Variants in RBFOX1 observed in about 807,000 individuals in gnomAD.
RBFOX1 encodes RNA binding fox-1 homolog 1.
In RBFOX1, 8 loss-of-function variants were observed where a neutral mutation model predicts 57.7. That is an observed-to-expected ratio of 0.14 (90% CI 0.08 to 0.25). The LOEUF (loss-of-function observed/expected upper bound fraction) is 0.25, where lower values mean the gene tolerates loss of function less well. RBFOX1 is among the 10% of genes least tolerant of loss of function. The pLI, the probability that RBFOX1 is intolerant of heterozygous loss-of-function variation, is 1.00. For missense variants in RBFOX1, 611 were observed against 548.5 expected, an observed-to-expected ratio of 1.11 and a Z score of -1.14; for synonymous variants, 326 against 222.4, an observed-to-expected ratio of 1.47 and a Z score of -4.15.
Position 7,116,128 on chromosome 16 carries a change from A to G in RBFOX1, c.27+64030A>G, listed in dbSNP as rs184806211. 1.6e-3 allele frequency among the ~76,000 whole-genome samples: 251 copies of G among 152,246 alleles called. 1 individual carries two copies. The highest frequency in any genetic ancestry group is 3.3e-3 in the Admixed American group (51 of 15,296). On this transcript the variant is annotated intron_variant, in intron 4 of 15. Transcript: ENST00000550418. ...TAAGGAAACTGAGGCACAGACAACA[A>G]TGGCTTCTGAAATTCTCTTCTCCGT...
At chr16:6,205,679 C>G (rs1408202423) in intron 1 of RBFOX1, among the ~76,000 whole-genome samples, 1 of 151,982 alleles carries the variant, frequency 6.6e-6, no homozygotes, top group East Asian at 1.9e-4. Context: ...TGACACCACA[C>G]ATCACTGATA....
chr16:5,488,431 G>T (rs867246476), intron 2 of RBFOX1, among the ~76,000 whole-genome samples: 1 of 150,386 alleles, frequency 6.6e-6, no homozygotes, highest in Admixed American at 6.6e-5. Context: ...GGAGGATTAT[G>T]GTGATGATGA....
chr16:5,273,781 T>A (rs939521690), intron 1 of RBFOX1, among the ~76,000 whole-genome samples: 3 of 152,064 alleles, frequency 2.0e-5, no homozygotes, highest in Non-Finnish European at 4.4e-5. Context: ...GGCTGATGGA[T>A]CATGAGCAGC....
chr16:6,198,497 G>A (rs1031523694), intron 1 of RBFOX1, among the ~76,000 whole-genome samples: 4 of 152,160 alleles, frequency 2.6e-5, no homozygotes, highest in Admixed American at 6.5e-5. Context: ...ATGCTTTTGC[G>A]ATGAGTTATC....
At chr16:6,629,476 G>A (rs1264037271) in intron 2 of RBFOX1, among the ~76,000 whole-genome samples, 1 of 152,160 alleles carries the variant, frequency 6.6e-6, no homozygotes, top group Non-Finnish European at 1.5e-5. Context: ...AAATAGTTAA[G>A]TTGGGATCAG....
At chr16:6,285,576 G>A (rs2076820513) in intron 1 of RBFOX1, among the ~76,000 whole-genome samples, 3 of 152,168 alleles carry the variant, frequency 2.0e-5, no homozygotes, top group African/African-American at 4.8e-5. Flanking sequence ...CACAGATTCT[G>A]AGATGCATAA....
chr16:7,381,153 C>A (rs115462659), intron 4 of RBFOX1, among the ~76,000 whole-genome samples: 2,590 of 152,272 alleles, frequency 0.017, 71 homozygotes, highest in African/African-American at 0.058. Flanking sequence ...GTTCTAGATG[C>A]TTGAACTTCT....
At chr16:5,903,931 G>A (rs2058375400) in intron 4 of RBFOX1, among the ~76,000 whole-genome samples, 1 of 152,170 alleles carries the variant, frequency 6.6e-6, no homozygotes, top group African/African-American at 2.4e-5. Flanking sequence ...AGGGAAGCTG[G>A]TGGAGGCACG....
chr16:7,671,126 G>T (rs1261361293), intron 13 of RBFOX1, among the ~76,000 whole-genome samples: 1 of 152,182 alleles, frequency 6.6e-6, no homozygotes, highest in African/African-American at 2.4e-5. Context: ...AGTTATGGTT[G>T]CTACTGTGCT....
At chr16:5,403,361 A>ACAAC (rs1305691134) in intron 1 of RBFOX1, among the ~76,000 whole-genome samples, 69 of 147,246 alleles carry the variant, frequency 4.7e-4, no homozygotes, top group African/African-American at 1.8e-3. Flanking sequence ...AAAAAAAAAA[A>ACAAC]AAAAAACAAA....
chr16:5,942,495 G>C (rs1406090154), intron 4 of RBFOX1, among the ~76,000 whole-genome samples: 1 of 152,130 alleles, frequency 6.6e-6, no homozygotes, highest in African/African-American at 2.4e-5. Context: ...GTTGTTACAG[G>C]TGCAATTGGG....
chr16:5,376,568 G>A (rs565067188), intron 1 of RBFOX1, among the ~76,000 whole-genome samples: 1 of 152,230 alleles, frequency 6.6e-6, no homozygotes, highest in South Asian at 2.1e-4. Context: ...AGGAAGGGGT[G>A]GTGCACACAA....
intron 2 of RBFOX1, among the ~76,000 whole-genome samples, chr16:6,498,232 A>T (rs1350561561): frequency 6.7e-6 from 1 of 148,222 alleles, no homozygotes; most frequent in Non-Finnish European, 1.5e-5. Flanking sequence ...AGCCTGGGTG[A>T]CAGAGAGGAA....
Position 7,424,191 on chromosome 16 carries a change from T to A in RBFOX1, c.28-93956T>A, listed in dbSNP as rs549885625. Among the ~76,000 whole-genome samples the A allele has an allele frequency of 7.9e-4, 120 of 152,162 alleles. 2 individuals carry two copies. The highest frequency in any genetic ancestry group is 2.7e-3 in the African/African-American group (114 of 41,512). On this transcript the variant is annotated intron_variant, in intron 4 of 15. Coordinates refer to ENST00000550418, the MANE Select transcript of RBFOX1 (RefSeq NM_018723.4). ...AGTAGCAGATTTTTGTCATTTTTTT[T>A]AAAAGAAGTGCTCAAATAGGGCAGC...
intron 4 of RBFOX1, among the ~76,000 whole-genome samples, chr16:7,486,080 T>G (rs987358898): frequency 3.9e-5 from 6 of 151,980 alleles, no homozygotes; most frequent in African/African-American, 1.4e-4. Context: ...TGTTTGCAAC[T>G]TCACTGTGCT....
At chr16:6,507,100 C>T (rs1418959686) in intron 2 of RBFOX1, among the ~76,000 whole-genome samples, 3 of 152,150 alleles carry the variant, frequency 2.0e-5, no homozygotes, top group African/African-American at 4.8e-5. Flanking sequence ...TCCCAAGTCT[C>T]CGCTTCTGAT....
At chr16:6,286,651 A>G (rs1327857385) in intron 1 of RBFOX1, among the ~76,000 whole-genome samples, 1 of 152,118 alleles carries the variant, frequency 6.6e-6, no homozygotes, top group Non-Finnish European at 1.5e-5. Flanking sequence ...CTGGACTCCG[A>G]GCAGAAGGTT....
At chr16:6,404,422 C>T (rs1391642108) in intron 2 of RBFOX1, among the ~76,000 whole-genome samples, 1 of 152,046 alleles carries the variant, frequency 6.6e-6, no homozygotes, top group Admixed American at 6.6e-5. Flanking sequence ...GATGGTAGTC[C>T]AGGTACTCAA....
At chr16:6,179,015 C>G (rs1440614172) in intron 1 of RBFOX1, among the ~76,000 whole-genome samples, 2 of 152,198 alleles carry the variant, frequency 1.3e-5, no homozygotes, top group Admixed American at 6.5e-5. Flanking sequence ...TACCACTCAA[C>G]AAGCCATCTG....
Sources: allele counts gnomAD v4.1 joint callset (sites outside exome capture counted in the v4.1 genomes callset), GRCh38; gene constraint gnomAD v4.1.1; transcripts MANE v1.5; gene names NCBI Gene and HGNC (gene_info 2026-07-23, HGNC 2026-07-21).